Variants in ADAMTS12 observed in about 807,000 individuals in gnomAD.
ADAMTS12 encodes ADAM metallopeptidase with thrombospondin type 1 motif 12.
A neutral mutation model predicts 167.8 loss-of-function variants in ADAMTS12; 118 were observed. The observed-to-expected ratio is 0.70, with a 90% CI of 0.61 to 0.82. The LOEUF (loss-of-function observed/expected upper bound fraction) is 0.82. ADAMTS12 is among the 40% of genes least tolerant of loss of function. The pLI is 0.00. For missense variants in ADAMTS12, 1,916 were observed against 1,998.8 expected (o/e 0.96, Z 0.79); for synonymous variants, 704 against 716.9 (o/e 0.98, Z 0.29).
chr5:33,670,284 C>T, intron 5 of ADAMTS12, among the ~76,000 whole-genome samples: 1 of 152,034 alleles, frequency 6.6e-6, no homozygotes, highest in East Asian at 1.9e-4. Context: ...CAAGTTAAAA[C>T]CACAATGATA....
chr5:33,727,094 G>C (rs534343825), intron 3 of ADAMTS12, among the ~76,000 whole-genome samples: 2 of 151,954 alleles, frequency 1.3e-5, no homozygotes. Context: ...TCCTGGAGGC[G>C]CAAGGCAGTT....
rs1283699898 is a variant in ADAMTS12, at chr5:33,872,829, A to G, written c.489+8290T>C. 3.5e-5 allele frequency among the ~76,000 whole-genome samples: 5 copies of G among 143,496 alleles called. No homozygotes were observed. In the East Asian group the frequency reaches 1.5e-3, roughly 43 times the overall value. The allele number at this position is 143,496 out of a possible 152,430, so 94.1% of individuals were successfully genotyped here. ...GATTAATGTAATCCATGACACTGAC[A>G]GGCTAAAGAAAAAAATTACATGATC... On this transcript the variant is annotated intron_variant, in intron 2 of 23. Coordinates refer to ENST00000504830, the MANE Select transcript of ADAMTS12 (RefSeq NM_030955.4).
chr5:33,618,638 T>A (rs1429322847), intron 14 of ADAMTS12, among the ~76,000 whole-genome samples: 1 of 152,200 alleles, frequency 6.6e-6, no homozygotes, highest in Non-Finnish European at 1.5e-5. Context: ...ACTCTCTTCA[T>A]CAATTTGTCT....
chr5:33,633,156 T>C (rs1330170486), intron 12 of ADAMTS12, among the ~76,000 whole-genome samples: 7 of 149,056 alleles, frequency 4.7e-5, no homozygotes, highest in Non-Finnish European at 8.9e-5. Context: ...TTCTACTATA[T>C]GCACTTGCAT....
chr5:33,644,297 T>C (rs577467236), intron 9 of ADAMTS12, among the ~76,000 whole-genome samples: 1 of 152,354 alleles, frequency 6.6e-6, no homozygotes, highest in South Asian at 2.1e-4. Context: ...CTCACTTTCA[T>C]ATTCCTCATC....
chr5:33,644,318 G>C (rs971280591), intron 9 of ADAMTS12, among the ~76,000 whole-genome samples: 2 of 151,946 alleles, frequency 1.3e-5, no homozygotes, highest in African/African-American at 4.8e-5. Context: ...TCTCAATCTT[G>C]TTGTATATGA....
chr5:33,761,790 T>C (rs1270560346), intron 2 of ADAMTS12, among the ~76,000 whole-genome samples: 1 of 152,202 alleles, frequency 6.6e-6, no homozygotes, highest in Non-Finnish European at 1.5e-5. Context: ...ATTTTTTGGC[T>C]GGGGGCAATA....
At chr5:33,714,232 A>G (rs1743515911) in intron 3 of ADAMTS12, among the ~76,000 whole-genome samples, 1 of 152,028 alleles carries the variant, frequency 6.6e-6, no homozygotes, top group Admixed American at 6.6e-5. Flanking sequence ...ATATCATCTC[A>G]CCCCAGTTAG....
chr5:33,715,613 T>C (rs1321564776), intron 3 of ADAMTS12, among the ~76,000 whole-genome samples: 1 of 152,110 alleles, frequency 6.6e-6, no homozygotes, highest in Non-Finnish European at 1.5e-5. Context: ...GCTTTTGTAG[T>C]TGCTCAGCTT....
At chr5:33,843,136 T>C (rs1748805097) in intron 2 of ADAMTS12, among the ~76,000 whole-genome samples, 1 of 152,118 alleles carries the variant, frequency 6.6e-6, no homozygotes, top group South Asian at 2.1e-4. Context: ...AAAGTATGCA[T>C]CTGTGTAGGG....
At chr5:33,766,450 G>A (rs1745535712) in intron 2 of ADAMTS12, among the ~76,000 whole-genome samples, 1 of 151,996 alleles carries the variant, frequency 6.6e-6, no homozygotes, top group Non-Finnish European at 1.5e-5. Flanking sequence ...GATATTCCTA[G>A]AACAGAAAAA....
chr5:33,644,920 C>T (rs143254243), intron 9 of ADAMTS12, among the ~76,000 whole-genome samples: 1,607 of 152,082 alleles, frequency 0.011, 22 homozygotes, highest in African/African-American at 0.036. Context: ...GTAGTAGAGA[C>T]GGGGTTTCAC....
At chr5:33,761,823 T>G (rs1745366308) in intron 2 of ADAMTS12, among the ~76,000 whole-genome samples, 1 of 152,178 alleles carries the variant, frequency 6.6e-6, no homozygotes, top group South Asian at 2.1e-4. Context: ...CTTAGGCTAA[T>G]AGGCTTTCAC....
chr5:33,527,916 A>G (rs1383036521), intron 23 of ADAMTS12, among the ~76,000 whole-genome samples: 1 of 152,206 alleles, frequency 6.6e-6, no homozygotes, highest in Non-Finnish European at 1.5e-5. Context: ...ATAGATGCTC[A>G]GCAAAAAATA....
chr5:33,681,406 C>G (rs1742105032), intron 5 of ADAMTS12, among the ~76,000 whole-genome samples: 1 of 152,164 alleles, frequency 6.6e-6, no homozygotes, highest in African/African-American at 2.4e-5. Flanking sequence ...TGGTTAAGCT[C>G]TATAGATTTC....
intron 7 of ADAMTS12, among the ~76,000 whole-genome samples, chr5:33,653,836 G>T (rs531982772): frequency 2.6e-5 from 4 of 152,206 alleles, no homozygotes; most frequent in Admixed American, 2.6e-4. Flanking sequence ...AAATATGTGG[G>T]TTTATGTCTC....
chr5:33,544,526 G>C (rs2111805683), intron 22 of ADAMTS12, among the ~76,000 whole-genome samples: 1 of 152,142 alleles, frequency 6.6e-6, no homozygotes, highest in Non-Finnish European at 1.5e-5. Flanking sequence ...AAGTTCATAT[G>C]GAACCAAAAA....
chr5:33,778,672 G>T (rs539806466), intron 2 of ADAMTS12, among the ~76,000 whole-genome samples: 29 of 152,006 alleles, frequency 1.9e-4, no homozygotes, highest in Non-Finnish European at 4.1e-4. Flanking sequence ...AGAGAAATTG[G>T]ATTGCATCAA....
intron 3 of ADAMTS12, among the ~76,000 whole-genome samples, chr5:33,720,148 C>G (rs1743755811): frequency 6.6e-6 from 1 of 151,938 alleles, no homozygotes; most frequent in Non-Finnish European, 1.5e-5. Flanking sequence ...AAATTGTGAC[C>G]AATTCTCATT....
Sources: gnomAD v4.1 joint callset for allele counts (sites outside exome capture counted in the v4.1 genomes callset) on GRCh38, gnomAD v4.1.1 for gene constraint, MANE v1.5 for transcripts, NCBI Gene and HGNC (gene_info 2026-07-23, HGNC 2026-07-21) for gene names.